MAP3K1: variants seen among roughly 807,000 people sequenced by gnomAD.
The protein encoded by MAP3K1 is MAP/ERK kinase kinase 1.
In MAP3K1, 36 loss-of-function variants were observed where a neutral mutation model predicts 144.2. That is an observed-to-expected ratio of 0.25 (90% CI 0.19 to 0.33). MAP3K1 has a LOEUF of 0.33. MAP3K1 is among the 10% of genes least tolerant of loss of function. The pLI is 1.00. For synonymous variants in MAP3K1, 718 were observed against 688.7 expected, an observed-to-expected ratio of 1.04 and a Z score of -0.67; for missense variants, 1,650 against 1,881.9, an observed-to-expected ratio of 0.88 and a Z score of 2.28.
chr5:56,884,188 CTACAA>C (rs1756828513), intron 15 of MAP3K1, among the ~76,000 whole-genome samples: 1 of 152,070 alleles, frequency 6.6e-6, no homozygotes, highest in Admixed American at 6.6e-5. Context: ...TATTGTAAGA[CTACAA>C]TATCAAGATG....
intron 1 of MAP3K1, among the ~76,000 whole-genome samples, chr5:56,824,465 G>C (rs531913817): frequency 6.6e-6 from 1 of 152,316 alleles, no homozygotes. Flanking sequence ...CCTGCAAGAG[G>C]CAGGTTCCCC....
chr5:56,829,349 ATT>A (rs70999027), intron 1 of MAP3K1, among the ~76,000 whole-genome samples: 9 of 130,314 alleles, frequency 6.9e-5, no homozygotes, highest in Non-Finnish European at 6.4e-5. Context: ...TGCCCGGCAA[ATT>A]TTTTTTTTTT....
At position 56,881,733 on chromosome 5, in the gene MAP3K1, A is replaced by G. The variant is rs1464231578; in HGVS notation, c.2533A>G (p.Ser845Gly). The stretch of plus-strand genomic sequence containing the variant: ...ACTGTTAGAAATGCTGAGTGTTTCC[A>G]GTTCCACTCACTTCACCAGGATGCG... ...SKLLEMLSVSSSTHFTRMRRR... is the reference protein window; with the variant it reads ...SKLLEMLSVSGSTHFTRMRRR... The change falls in exon 14 of 20, where the codon AGT (serine) becomes GGT (glycine). Residue 845 changes from serine to glycine, a missense_variant. This residue lies in a region of MAP3K1 where 841 missense variants were observed against 886.5 expected (regional missense o/e 0.95). Coordinates refer to ENST00000399503, the MANE Select transcript of MAP3K1 (RefSeq NM_005921.2). The G allele has an allele frequency of 1.9e-6, 3 of 1,614,048 alleles. No homozygotes were observed. The highest frequency in any genetic ancestry group is 1.3e-5 in the African/African-American group (1 of 74,912).
At chr5:56,854,449 A>AAG (rs1554033112) in intron 1 of MAP3K1, among the ~76,000 whole-genome samples, 1 of 147,220 alleles carries the variant, frequency 6.8e-6, no homozygotes, top group Non-Finnish European at 1.5e-5. Flanking sequence ...AAAAAAAAAA[A>AAG]AGAAAGAAAA....
Position 56,881,918 on chromosome 5 carries a change from C to T in MAP3K1, c.2718C>T (p.Val906=). The T allele has an allele frequency of 6.2e-7, 1 of 1,613,978 alleles. No individual in the cohort carries two copies. Among genetic ancestry groups the T allele is most frequent in the South Asian group, 1.1e-5 (1 of 91,046 alleles). Residue 906 remains valine (V), a synonymous_variant, in exon 14 of 20, where the codon GTC becomes GTT. Transcript: ENST00000399503. ...TTENSSPECT[V]HLEKTGKGLC... is the part of the protein sequence containing the mutation. ...AGAACAGTTCCCCTGAGTGCACAGT[C>T]CATTTAGAGAAAACTGGAAAAGGAT...
At chr5:56,855,204 C>G (rs1747303030) in intron 1 of MAP3K1, among the ~76,000 whole-genome samples, 1 of 151,856 alleles carries the variant, frequency 6.6e-6, no homozygotes, top group Admixed American at 6.6e-5. Flanking sequence ...CTCCCTCCCT[C>G]TCTTACTTTC....
In MAP3K1 at chr5:56,856,883, G is replaced by T. The variant is rs985964369; in HGVS notation, c.633+133G>T. The T allele has an allele frequency of 6.2e-6, 6 of 961,284 alleles. No homozygotes were observed. In the African/African-American group the frequency reaches 6.6e-5, roughly 11 times the overall value. The allele number at this position is 961,284 out of a possible 1,614,324, so 59.5% of individuals were successfully genotyped here. On this transcript the variant is annotated intron_variant, in intron 2 of 19. Coordinates refer to ENST00000399503, the MANE Select transcript of MAP3K1 (RefSeq NM_005921.2). The stretch of plus-strand genomic sequence containing the variant: ...GTAGTTTTCTTTACTTGATATTGTG[G>T]TCATTTGGAAGAAACCATAATTAAA...
chr5:56,841,201 T>TAAA lies in MAP3K1; in HGVS notation c.483-15399_483-15398insAAA, dbSNP rs768299742. On this transcript the variant is annotated intron_variant, in intron 1 of 19. Coordinates refer to ENST00000399503, the MANE Select transcript of MAP3K1 (RefSeq NM_005921.2). ...GAAGAGAAATGTATGGCTTATTGATTTAAAAAAAAAAAAAACTAGACAGGT... is the reference window on the plus strand; with the variant it reads ...GAAGAGAAATGTATGGCTTATTGATTAAATAAAAAAAAAAAAAACTAGACAGGT... Among the ~76,000 whole-genome samples the TAAA allele has an allele frequency of 1.4e-4, 12 of 85,990 alleles. No individual in the cohort carries two copies. The South Asian group carries it at 2.1e-3, about 15-fold the overall frequency. The allele number at this position is 85,990 out of a possible 152,430, so 56.4% of individuals were successfully genotyped here. A position where few individuals can be genotyped will look rare whatever the true frequency, so the allele number is the denominator to read the frequency against.
At chr5:56,849,353 T>TA (rs60934512) in intron 1 of MAP3K1, among the ~76,000 whole-genome samples, 165 of 145,320 alleles carry the variant, frequency 1.1e-3, no homozygotes, top group Admixed American at 1.9e-3. Flanking sequence ...TCTCTGTCTT[T>TA]AAAAAAAAAA....
chr5:56,884,615 T>C lies in MAP3K1; in HGVS notation c.3820-49T>C, dbSNP rs761658320. ...TTGCATTTGTTCATTTTAGATCAGA[T>C]TGCTAGTGAAAATATGCAAAACTTT... On this transcript the variant is annotated intron_variant, in intron 15 of 19. Transcript: ENST00000399503. 10 of 1,574,732 alleles carry C rather than the reference T, an allele frequency of 6.4e-6. No homozygotes were observed. In the African/African-American group the frequency reaches 1.3e-4, roughly 21 times the overall value.
intron 5 of MAP3K1, 133 bp downstream of exon 5, chr5:56,865,589 T>TA: frequency 1.4e-6 from 1 of 710,136 alleles, no homozygotes; most frequent in Non-Finnish European, 2.4e-6. Flanking sequence ...AGTTGATGCT[T>TA]ATAAATAGTT....
intron 12 of MAP3K1, 131 bp from the exon 13 acceptor site, chr5:56,880,952 T>C (rs1748186046): frequency 9.5e-7 from 1 of 1,053,886 alleles, no homozygotes; most frequent in Admixed American, 2.1e-5. Context: ...GAAATGTGAA[T>C]TACTCTGAGA....
chr5:56,889,671 C>T (rs1466761458), intron 19 of MAP3K1, among the ~76,000 whole-genome samples: 2 of 152,118 alleles, frequency 1.3e-5, no homozygotes, highest in East Asian at 3.9e-4. Flanking sequence ...CCTGGCTCTA[C>T]CCCTTAATGG....
At position 56,880,743 on chromosome 5, in the gene MAP3K1, T is replaced by C; in HGVS notation, c.2120T>C (p.Leu707Ser). 4 of 1,613,774 alleles carry C rather than the reference T, an allele frequency of 2.5e-6. No homozygotes were observed. The highest frequency in any genetic ancestry group is 8.5e-7 in the Non-Finnish European group (1 of 1,179,784). Residue 707 changes from leucine (L) to serine (S), a missense_variant, in exon 12 of 20, where the codon TTG (leucine) becomes TCG (serine). This residue lies in a region of MAP3K1 where 841 missense variants were observed against 886.5 expected (regional missense o/e 0.95). Coordinates refer to ENST00000399503, the MANE Select transcript of MAP3K1 (RefSeq NM_005921.2). Reference protein sequence around the residue: ...RTSQLSISTLLELCKGQAGEL... With the variant: ...RTSQLSISTLSELCKGQAGEL... ...AGTCAGCTGTCCATATCAACACTGT[T>C]GGAACTGTGCAAAGGCCAAGCAGGA... is the stretch of plus-strand genomic sequence containing the variant.
intron 18 of MAP3K1, chr5:56,888,007 A>T (rs959100421): frequency 2.2e-5 from 13 of 578,962 alleles, no homozygotes; most frequent in African/African-American, 5.6e-5. Flanking sequence ...AAATTCTGTG[A>T]TGGGACTCTG....
At position 56,871,982 on chromosome 5, in the gene MAP3K1, G is replaced by A; in HGVS notation, c.1374G>A (p.Val458=). The change falls in exon 7 of 20, where the codon GTG becomes GTA. Residue 458 remains valine (V), a synonymous_variant. Coordinates refer to ENST00000399503, the MANE Select transcript of MAP3K1 (RefSeq NM_005921.2). ...TGCTTGATGAAGAAAGTCTTACAGT[G>A]TGTGAAGACGGCTGCAGGAACAAGC... ...LGMLDEESLT[V]CEDGCRNKLH... The A allele has an allele frequency of 6.2e-7, 1 of 1,614,008 alleles. No homozygotes were observed. Among genetic ancestry groups the A allele is most frequent in the Non-Finnish European group, 8.5e-7 (1 of 1,179,890 alleles).
chr5:56,856,999 A>G (rs1747362874), intron 2 of MAP3K1, among the ~76,000 whole-genome samples: 1 of 152,216 alleles, frequency 6.6e-6, no homozygotes, highest in African/African-American at 2.4e-5. Flanking sequence ...CTGCCCTCTC[A>G]TGTCAGTATC....
intron 19 of MAP3K1, 33 bp downstream of exon 19, chr5:56,888,390 TA>T: frequency 6.2e-7 from 1 of 1,608,776 alleles, no homozygotes; most frequent in Non-Finnish European, 8.5e-7. Flanking sequence ...TTCTTTGTGC[TA>T]AAAGGAGTAC....
intron 1 of MAP3K1, chr5:56,817,181 G>A: frequency 1.3e-6 from 1 of 794,890 alleles, no homozygotes; most frequent in Non-Finnish European, 1.5e-6. Context: ...TTATGTTAAA[G>A]GAAATTCTTT....
Sources: gnomAD v4.1 joint callset for allele counts (sites outside exome capture counted in the v4.1 genomes callset) on GRCh38, gnomAD v4.1.1 for gene constraint, gnomAD v4.1.1 regional missense constraint, MANE v1.5 for transcripts, NCBI Gene and HGNC (gene_info 2026-07-23, HGNC 2026-07-21) for gene names.